The following FMO1 variants were observed in gnomAD, a reference collection of about 807,000 sequenced individuals.
FMO1 encodes flavin-containing monooxygenase 1.
FMO1 carries 36 observed loss-of-function variants against 45.4 expected under a neutral mutation model. The observed-to-expected ratio is 0.79, with a 90% CI of 0.61 to 1.05. The LOEUF is 1.05. FMO1 is among the 50% of genes least tolerant of loss of function. The pLI, the probability that FMO1 is intolerant of heterozygous loss-of-function variation, is 0.00. For missense variants in FMO1, 615 were observed against 640.3 expected, an observed-to-expected ratio of 0.96 and a Z score of 0.43; for synonymous variants, 228 against 227.2, an observed-to-expected ratio of 1.00 and a Z score of -0.03.
At chr1:171,277,402 T>C (rs1205436472) in intron 4 of FMO1, among the ~76,000 whole-genome samples, 2 of 152,200 alleles carry the variant, frequency 1.3e-5, no homozygotes, top group African/African-American at 2.4e-5. Context: ...TTCACATATA[T>C]ACATTCTGCT....
rs1355954008 is a variant in FMO1, at chr1:171,275,326, A to G, written c.322-20A>G. On this transcript the variant is annotated intron_variant, in intron 3 of 8. Coordinates refer to ENST00000617670, the MANE Select transcript of FMO1 (RefSeq NM_001282693.2). Reference sequence around the variant, plus strand: ...TGGAACATTGACAACTGCTAATCATATCTGTGATTCTTTTTTCAGACCAAA... The same window carrying G: ...TGGAACATTGACAACTGCTAATCATGTCTGTGATTCTTTTTTCAGACCAAA... 1.2e-6 allele frequency: 2 copies of G among 1,610,352 alleles called. No individual in the cohort carries two copies. Among genetic ancestry groups the G allele is most frequent in the East Asian group, 4.5e-5 (2 of 44,852 alleles).
intron 1 of FMO1, 124 bp from the exon 2 acceptor site, chr1:171,257,958 G>A (rs1243302383): frequency 2.8e-5 from 30 of 1,085,826 alleles, no homozygotes; most frequent in South Asian, 8.7e-5. Context: ...CCAGAGACCC[G>A]CTACAGAAGA....
chr1:171,272,907 A>T (rs1660927651), intron 3 of FMO1, among the ~76,000 whole-genome samples: 1 of 151,414 alleles, frequency 6.6e-6, no homozygotes, highest in South Asian at 2.1e-4. Context: ...CTTGGGGGGG[A>T]ACTGTTGGGA....
chr1:171,280,998 T>C lies in FMO1; in HGVS notation c.827+13T>C, dbSNP rs759426029. The C allele has an allele frequency of 3.4e-5, 55 of 1,611,214 alleles. No homozygotes were observed. The highest frequency in any genetic ancestry group is 4.3e-5 in the Non-Finnish European group (51 of 1,177,674). On this transcript the variant is annotated intron_variant, in intron 6 of 8. Transcript: ENST00000617670. ...TACCAGAAGACAGGTAAATATAATG[T>C]GACTGCCAAGGGCTTTTAGGAAGAA...
At chr1:171,276,755 T>C (rs1661126926) in intron 4 of FMO1, among the ~76,000 whole-genome samples, 1 of 152,192 alleles carries the variant, frequency 6.6e-6, no homozygotes, top group Non-Finnish European at 1.5e-5. Flanking sequence ...TCCAATACCC[T>C]AAACATACAC....
chr1:171,271,733 C>A, intron 3 of FMO1: 1 of 526,810 alleles, frequency 1.9e-6, no homozygotes, highest in Non-Finnish European at 3.4e-6. Context: ...GAACTTTGAA[C>A]TTGAGAGATG....
At chr1:171,256,616 A>G (rs1660170939) in intron 1 of FMO1, among the ~76,000 whole-genome samples, 1 of 152,138 alleles carries the variant, frequency 6.6e-6, no homozygotes, top group African/African-American at 2.4e-5. Flanking sequence ...CAGCCCTGCA[A>G]CACTTTTACA....
chr1:171,257,903 A>T (rs1660226157), intron 1 of FMO1, 179 bp from the exon 2 acceptor site: 6 of 632,908 alleles, frequency 9.5e-6, no homozygotes, highest in Middle Eastern at 4.5e-4. Flanking sequence ...TACCAAGCAC[A>T]GGGTTAACCA....
At chr1:171,259,314 T>C (rs975101417) in intron 2 of FMO1, among the ~76,000 whole-genome samples, 1 of 152,192 alleles carries the variant, frequency 6.6e-6, no homozygotes, top group African/African-American at 2.4e-5. Context: ...AAGAACTGCA[T>C]ATCTTAAAGT....
At chr1:171,280,452 A>G (rs1251744575) in intron 5 of FMO1, among the ~76,000 whole-genome samples, 2 of 152,210 alleles carry the variant, frequency 1.3e-5, no homozygotes, top group Non-Finnish European at 2.9e-5. Flanking sequence ...CTTACTGCCT[A>G]CAATGATAGT....
intron 3 of FMO1, chr1:171,271,105 T>G (rs1412170957): frequency 1.2e-6 from 1 of 866,542 alleles, no homozygotes; most frequent in Non-Finnish European, 1.9e-6. Flanking sequence ...TTTAGCTCAA[T>G]ATGCAGCAAT....
At position 171,275,424 on chromosome 1, in the gene FMO1, A is replaced by G; in HGVS notation, c.400A>G (p.Lys134Glu). Residue 134 changes from lysine to glutamate, a missense_variant, in exon 4 of 9, where the codon AAG becomes GAG. By Grantham distance (56) the Lys-to-Glu change is moderately conservative. Transcript: ENST00000617670. ...QWEVVTMHEE[K>E]QESAIFDAVM... ...GGAGGTGGTCACTATGCATGAAGAGAAGCAAGAGTCAGCCATCTTTGATGC... is the reference window on the plus strand; with the variant it reads ...GGAGGTGGTCACTATGCATGAAGAGGAGCAAGAGTCAGCCATCTTTGATGC... 6.2e-7 allele frequency: 1 copy of G among 1,613,690 alleles called. No homozygotes were observed. The highest frequency in any genetic ancestry group is 8.5e-7 in the Non-Finnish European group (1 of 1,179,674).
intron 4 of FMO1, among the ~76,000 whole-genome samples, chr1:171,276,697 T>A (rs1661124171): frequency 6.6e-6 from 1 of 152,208 alleles, no homozygotes; most frequent in Non-Finnish European, 1.5e-5. Context: ...AATAGAGTTT[T>A]ATGGAGTCCA....
At position 171,285,327 on chromosome 1, in the gene FMO1, T is replaced by C. The variant is rs1396678646; in HGVS notation, c.1382T>C (p.Leu461Pro). Reference sequence around the variant, plus strand: ...CTCCTAACGGATCCACATCTGGCTCTGACCGTCTTCTTTGGCCCATGCTCA... The same window carrying C: ...CTCCTAACGGATCCACATCTGGCTCCGACCGTCTTCTTTGGCCCATGCTCA... ...SMLLTDPHLALTVFFGPCSPY... is the reference protein window; with the variant it reads ...SMLLTDPHLAPTVFFGPCSPY... The change falls in exon 9 of 9, where the codon CTG becomes CCG. Residue 461 changes from leucine to proline, a missense_variant. Leu to Pro is a moderately conservative substitution (Grantham distance 98, BLOSUM62 -3). Coordinates refer to ENST00000617670, the MANE Select transcript of FMO1 (RefSeq NM_001282693.2). The C allele has an allele frequency of 1.1e-5, 17 of 1,614,104 alleles. No individual in the cohort carries two copies. The highest frequency in any genetic ancestry group is 1.4e-5 in the Non-Finnish European group (16 of 1,179,970).
Position 171,275,332 on chromosome 1 carries a change from G to A in FMO1, c.322-14G>A. The A allele has an allele frequency of 6.2e-7, 1 of 1,611,802 alleles. No individual in the cohort carries two copies. Among genetic ancestry groups the A allele is most frequent in the Non-Finnish European group, 8.5e-7 (1 of 1,178,552 alleles). On this transcript the variant is annotated splice_polypyrimidine_tract_variant and intron_variant, in intron 3 of 8. Coordinates refer to ENST00000617670, the MANE Select transcript of FMO1 (RefSeq NM_001282693.2). ...ATTGACAACTGCTAATCATATCTGTGATTCTTTTTTCAGACCAAAGTCTGC... is the reference window on the plus strand; with the variant it reads ...ATTGACAACTGCTAATCATATCTGTAATTCTTTTTTCAGACCAAAGTCTGC...
chr1:171,255,668 C>T (rs904274425), intron 1 of FMO1, among the ~76,000 whole-genome samples: 1 of 152,098 alleles, frequency 6.6e-6, no homozygotes, highest in Admixed American at 6.6e-5. Context: ...TTCTCCAGGC[C>T]CCCCTCTACT....
At chr1:171,259,210 G>A (rs1660285718) in intron 2 of FMO1, among the ~76,000 whole-genome samples, 1 of 152,214 alleles carries the variant, frequency 6.6e-6, no homozygotes, top group African/African-American at 2.4e-5. Context: ...CTGAAGTAAA[G>A]TAATTATTTT....
At position 171,281,037 on chromosome 1, in the gene FMO1, G is replaced by A. The variant is rs1382053928; in HGVS notation, c.827+52G>A. On this transcript the variant is annotated intron_variant, in intron 6 of 8. Transcript: ENST00000617670. ...TTTTAGGAAGAAGGAGCCTCTGCCT[G>A]TCCAGCAGCCTATACAAGCCAGGCA... The A allele has an allele frequency of 2.0e-6, 3 of 1,482,656 alleles. No individual in the cohort carries two copies. In the South Asian group the frequency reaches 3.4e-5, roughly 17 times the overall value. The allele number at this position is 1,482,656 out of a possible 1,614,324, so 91.8% of individuals were successfully genotyped here.
intron 7 of FMO1, chr1:171,282,819 T>G (rs7519999): frequency 0.21 from 57,742 of 280,916 alleles, 9,919 homozygotes; most frequent in African/African-American, 0.58. Context: ...ACAGTTAACA[T>G]TTCTGTCAGT....
Sources: allele counts gnomAD v4.1 joint callset (sites outside exome capture counted in the v4.1 genomes callset), GRCh38; gene constraint gnomAD v4.1.1; transcripts MANE v1.5; gene names NCBI Gene and HGNC (gene_info 2026-07-23, HGNC 2026-07-21).